Variants in THRB observed in about 807,000 individuals in gnomAD.
The protein encoded by THRB is nuclear receptor subfamily 1 group A member 2.
In THRB, 12 loss-of-function variants were observed where a neutral mutation model predicts 47.8. The observed-to-expected ratio is 0.25, with a 90% CI of 0.16 to 0.41. The LOEUF (loss-of-function observed/expected upper bound fraction) is 0.41. Ranked by LOEUF, THRB falls within the 10% of genes least tolerant of loss-of-function variation. The pLI, the probability that THRB is intolerant of heterozygous loss-of-function variation, is 1.00. For missense variants in THRB, 348 were observed against 589.2 expected, an observed-to-expected ratio of 0.59 and a Z score of 4.24; for synonymous variants, 218 against 212.2, an observed-to-expected ratio of 1.03 and a Z score of -0.24.
At chr3:24,127,439 AT>A in intron 10 of THRB, 59 bp downstream of exon 10, 1 of 1,581,926 alleles carries the variant, frequency 6.3e-7, no homozygotes, top group South Asian at 1.1e-5. Flanking sequence ...AGTGATTGGA[AT>A]TAGCGCTAGA....
intron 5 of THRB, among the ~76,000 whole-genome samples, chr3:24,180,505 G>A (rs1199976643): frequency 6.6e-6 from 1 of 152,246 alleles, no homozygotes; most frequent in Non-Finnish European, 1.5e-5. Flanking sequence ...ATGTCATGGG[G>A]ACAGAGGTTC....
chr3:24,472,391 T>A (rs1694833775), intron 1 of THRB, among the ~76,000 whole-genome samples: 1 of 152,174 alleles, frequency 6.6e-6, no homozygotes, highest in South Asian at 2.1e-4. Flanking sequence ...TCTATAGGAA[T>A]CCAGCCCTCA....
chr3:24,350,129 A>AT (rs1174953368), intron 1 of THRB, among the ~76,000 whole-genome samples: 1 of 152,114 alleles, frequency 6.6e-6, no homozygotes, highest in Non-Finnish European at 1.5e-5. Context: ...GCTCGACCTC[A>AT]TTATTTATCA....
At chr3:24,211,071 T>C (rs985033078) in intron 4 of THRB, among the ~76,000 whole-genome samples, 7 of 151,830 alleles carry the variant, frequency 4.6e-5, no homozygotes, top group South Asian at 2.1e-4. Context: ...TGGCGGTAGG[T>C]TGCCTGTAGT....
In THRB at chr3:24,123,005, A is replaced by G; in HGVS notation, c.1265T>C (p.Leu422Pro). The G allele has an allele frequency of 6.2e-7, 1 of 1,614,168 alleles. No individual in the cohort carries two copies. The highest frequency in any genetic ancestry group is 8.5e-7 in the Non-Finnish European group (1 of 1,180,026). The change falls in exon 11 of 11, where the codon CTG (leucine) becomes CCG (proline). Residue 422 changes from leucine to proline, a missense_variant. Physicochemically the swap from Leu to Pro is moderately conservative, Grantham distance 98 (BLOSUM62 -3). Coordinates refer to ENST00000646209, the MANE Select transcript of THRB (RefSeq NM_001354712.2). ...HHVTHFWPKLLMKVTDLRMIG... is the reference protein window; with the variant it reads ...HHVTHFWPKLPMKVTDLRMIG... ...CATCCGCAGATCTGTCACCTTCATC[A>G]GGAGTTTTGGCCAAAAGTGTGTCAC...
intron 1 of THRB, among the ~76,000 whole-genome samples, chr3:24,364,662 T>C (rs994918982): frequency 2.0e-5 from 3 of 152,074 alleles, no homozygotes; most frequent in Non-Finnish European, 4.4e-5. Flanking sequence ...AAACAAGACA[T>C]AATAATTTGG....
Position 24,128,140 on chromosome 3 carries a change from G to GT in THRB, c.886-384dup, listed in dbSNP as rs3214790. On this transcript the variant is annotated intron_variant, in intron 9 of 10. Coordinates refer to ENST00000646209, the MANE Select transcript of THRB (RefSeq NM_001354712.2). ...TAAACTCTCCATTTTTGTTTGTTTG[G>GT]TTTTTTGTCTTGTAGCTTGAATAGG... is the stretch of plus-strand genomic sequence containing the variant. Among the ~76,000 whole-genome samples, 591 of 152,214 alleles carry GT rather than the reference G, an allele frequency of 3.9e-3. 10 individuals carry two copies. In the East Asian group the frequency reaches 0.053, roughly 14 times the overall value.
At chr3:24,286,752 C>A (rs571068003) in intron 3 of THRB, among the ~76,000 whole-genome samples, 36 of 152,268 alleles carry the variant, frequency 2.4e-4, no homozygotes, top group African/African-American at 8.7e-4. Context: ...TTTCTCATTG[C>A]AACATCTCCT....
rs144745777 is a variant in THRB, at chr3:24,267,516, A to G, written c.-43+29710T>C. Among the ~76,000 whole-genome samples the G allele has an allele frequency of 2.8e-3, 424 of 152,260 alleles. 11 individuals carry two copies. Among genetic ancestry groups the G allele is most frequent in the East Asian group, 0.026 (135 of 5,184 alleles). ...CCTGAAGCCTCTCCTGGGCTCATCT[A>G]TGCACTTCCTTGTAAAATCCAGTTT... is the stretch of plus-strand genomic sequence containing the variant. On this transcript the variant is annotated intron_variant, in intron 3 of 10. Coordinates refer to ENST00000646209, the MANE Select transcript of THRB (RefSeq NM_001354712.2).
At chr3:24,162,819 T>C (rs1373578470) in intron 5 of THRB, among the ~76,000 whole-genome samples, 1 of 152,156 alleles carries the variant, frequency 6.6e-6, no homozygotes, top group Admixed American at 6.5e-5. Context: ...TTTGTACCTA[T>C]AATTTTTTTA....
At chr3:24,483,188 C>T (rs1696735402) in intron 1 of THRB, among the ~76,000 whole-genome samples, 2 of 151,988 alleles carry the variant, frequency 1.3e-5, no homozygotes, top group Non-Finnish European at 2.9e-5. Context: ...ATATTTCTTT[C>T]ATTTCTATAG....
At chr3:24,489,713 C>A (rs1057181215) in intron 1 of THRB, among the ~76,000 whole-genome samples, 1 of 152,142 alleles carries the variant, frequency 6.6e-6, no homozygotes. Context: ...CAGTAGGGAC[C>A]AAACAACATT....
rs561673988 is a variant in THRB at position 24,315,333 on chromosome 3, A to C, written c.-188-17962T>G. Among the ~76,000 whole-genome samples the C allele has an allele frequency of 3.2e-4, 48 of 152,334 alleles. No individual in the cohort carries two copies. In the East Asian group the frequency reaches 5.0e-3, roughly 16 times the overall value. On this transcript the variant is annotated intron_variant, in intron 2 of 10. Coordinates refer to ENST00000646209, the MANE Select transcript of THRB (RefSeq NM_001354712.2). Reference sequence around the variant, plus strand: ...GCTTCTCATTCTCTACTTCCAAGTCAGATAGAATGAAGGCATTCTAAACAA... The same window carrying C: ...GCTTCTCATTCTCTACTTCCAAGTCCGATAGAATGAAGGCATTCTAAACAA...
At chr3:24,354,316 C>T (rs2063537034) in intron 1 of THRB, among the ~76,000 whole-genome samples, 1 of 151,874 alleles carries the variant, frequency 6.6e-6, no homozygotes, top group Non-Finnish European at 1.5e-5. Flanking sequence ...TACAACAAAC[C>T]CCCATCACAC....
chr3:24,187,943 A>G (rs1386581762), intron 5 of THRB, among the ~76,000 whole-genome samples: 1 of 152,228 alleles, frequency 6.6e-6, no homozygotes, highest in Non-Finnish European at 1.5e-5. Context: ...CCTCATGCCT[A>G]TGTCAAGGTG....
At position 24,120,836 on chromosome 3, in the gene THRB, C is replaced by T. The variant is rs2031547751; in HGVS notation, c.*2048G>A. On this transcript the variant is annotated 3_prime_UTR_variant, in exon 11 of 11. Coordinates refer to ENST00000646209, the MANE Select transcript of THRB (RefSeq NM_001354712.2). ...TTGTAAATCTTTTCACTTCCTTTCT[C>T]TGGGTAACAAGTTCCATAGCAATGT... The T allele has an allele frequency of 6.6e-6, 1 of 152,228 alleles. No homozygotes were observed. The allele number at this position is 152,228 out of a possible 1,614,324, so 9.4% of individuals were successfully genotyped here. A position where few individuals can be genotyped will look rare whatever the true frequency, so the allele number is the denominator to read the frequency against.
At chr3:24,448,191 C>A (rs781095708) in intron 1 of THRB, among the ~76,000 whole-genome samples, 9 of 152,028 alleles carry the variant, frequency 5.9e-5, no homozygotes, top group Non-Finnish European at 1.2e-4. Flanking sequence ...CTCTTGAGTT[C>A]TCTTGGTTTT....
intron 1 of THRB, among the ~76,000 whole-genome samples, chr3:24,445,622 T>G (rs925042636): frequency 3.3e-5 from 5 of 152,166 alleles, no homozygotes; most frequent in Admixed American, 3.3e-4. Flanking sequence ...TTTAAAAAAC[T>G]AATGCTTAAT....
At chr3:24,414,665 C>T (rs993438293) in intron 1 of THRB, among the ~76,000 whole-genome samples, 5 of 151,754 alleles carry the variant, frequency 3.3e-5, no homozygotes, top group African/African-American at 7.3e-5. Flanking sequence ...GCAACAGCCA[C>T]GTAATTCCTA....
Sources: gnomAD v4.1 joint callset for allele counts (sites outside exome capture counted in the v4.1 genomes callset) on GRCh38, gnomAD v4.1.1 for gene constraint, MANE v1.5 for transcripts, NCBI Gene and HGNC (gene_info 2026-07-23, HGNC 2026-07-21) for gene names.